Variants in MMS19 observed in about 807,000 individuals in gnomAD.
MMS19 encodes the protein MMS19 cytosolic iron-sulfur assembly component.
Under a neutral mutation model 129.8 loss-of-function variants are expected in MMS19, and 77 were observed. The observed-to-expected ratio is 0.59, with a 90% CI of 0.49 to 0.72. The LOEUF is 0.72. MMS19 is among the 30% of genes least tolerant of loss of function. MMS19 has a pLI of 0.00. For synonymous variants in MMS19, 491 were observed against 502.8 expected (o/e 0.98, Z 0.31); for missense variants, 1,168 against 1,266.3 (o/e 0.92, Z 1.18).
At chr10:97,470,324 G>A in intron 9 of MMS19, 121 bp from the exon 10 acceptor site, 1 of 718,610 alleles carries the variant, frequency 1.4e-6, no homozygotes, top group South Asian at 1.6e-5. Context: ...CTGTACTCAA[G>A]TCAGGAGCTA....
At chr10:97,464,384 A>T (rs1052421185) in intron 18 of MMS19, among the ~76,000 whole-genome samples, 2 of 152,200 alleles carry the variant, frequency 1.3e-5, no homozygotes, top group Non-Finnish European at 2.9e-5. Context: ...CCCAAGTTAT[A>T]ATCCAAGTCT....
rs7904673 is a variant in MMS19 at position 97,486,862 on chromosome 10, C to T, written c.113-2711G>A. 7.8e-3 allele frequency among the ~76,000 whole-genome samples: 660 copies of T among 85,068 alleles called. 19 individuals carry two copies. Among genetic ancestry groups the T allele is most frequent in the African/African-American group, 0.024 (579 of 24,376 alleles). 55.8% of individuals were successfully genotyped at this position (85,068 alleles called of 152,430 possible). ...TAAGCTTATCCTGAAATTAAAGTGCCATATATATATATATATATATATATA... is the reference window on the plus strand; with the variant it reads ...TAAGCTTATCCTGAAATTAAAGTGCTATATATATATATATATATATATATA... On this transcript the variant is annotated intron_variant, in intron 1 of 30. Transcript: ENST00000438925.
At position 97,466,789 on chromosome 10, in the gene MMS19, C is replaced by G; in HGVS notation, c.1410G>C (p.Leu470Phe). ...CTTAAGATGTACCTGGCTGGGCACC[C>G]AAGACTGTCAGTGTACGGATGCCAA... ...QLVGIRTLTV[L>F]GAQPDLLSYE... The change falls in exon 15 of 31, where the codon TTG becomes TTC. Residue 470 changes from leucine (L) to phenylalanine (F), a missense_variant. By Grantham distance (22) the Leu-to-Phe change is conservative (BLOSUM62 0). Transcript: ENST00000438925. The G allele has an allele frequency of 6.2e-7, 1 of 1,614,002 alleles. No individual in the cohort carries two copies.
chr10:97,497,978 G>C (rs1249222762), intron 1 of MMS19, among the ~76,000 whole-genome samples: 1 of 152,204 alleles, frequency 6.6e-6, no homozygotes, highest in Non-Finnish European at 1.5e-5. Flanking sequence ...CTCCTGCCTG[G>C]TCTGCAGCCC....
Position 97,476,976 on chromosome 10 carries a change from G to C in MMS19, c.494-13C>G, listed in dbSNP as rs2035891727. 1.2e-6 allele frequency: 2 copies of C among 1,613,580 alleles called. No homozygotes were observed. The highest frequency in any genetic ancestry group is 1.7e-6 in the Non-Finnish European group (2 of 1,179,730). On this transcript the variant is annotated splice_polypyrimidine_tract_variant and intron_variant, in intron 6 of 30. Coordinates refer to ENST00000438925, the MANE Select transcript of MMS19 (RefSeq NM_022362.5). ...AGGCTCTTTAGCTCTGGGAAGGAGA[G>C]AATAAGGTTACTATACTGTCCCACA...
At chr10:97,475,157 C>T (rs555444678) in intron 8 of MMS19, among the ~76,000 whole-genome samples, 1 of 152,202 alleles carries the variant, frequency 6.6e-6, no homozygotes, top group South Asian at 2.1e-4. Flanking sequence ...TATATACTGA[C>T]GTGGAACACT....
chr10:97,467,581 G>C lies in MMS19; in HGVS notation c.1221C>G (p.Ser407Arg), dbSNP rs745497598. ...LLEQFHKHSQSSQRRTILEML... is the reference protein window; with the variant it reads ...LLEQFHKHSQRSQRRTILEML... ...TTTCAAGGATTGTCCGCCGCTGGCT[G>C]CTCTGTAACGTTTCAAGGGGTACTA... Residue 407 changes from serine to arginine, a missense_variant and splice_region_variant, in exon 14 of 31, where the codon AGC becomes AGG. Physicochemically the swap from Ser to Arg is moderately radical, Grantham distance 110. Transcript: ENST00000438925. 6.2e-7 allele frequency: 1 copy of C among 1,613,666 alleles called. No homozygotes were observed. The highest frequency in any genetic ancestry group is 1.3e-5 in the African/African-American group (1 of 74,910).
chr10:97,470,659 C>A lies in MMS19; in HGVS notation c.771+116G>T, dbSNP rs895387916. 24 of 639,164 alleles carry A rather than the reference C, an allele frequency of 3.8e-5. No homozygotes were observed. The Middle Eastern group carries it at 7.5e-4, about 20-fold the overall frequency. 39.6% of individuals were successfully genotyped at this position (639,164 alleles called of 1,614,324 possible). On this transcript the variant is annotated intron_variant, in intron 9 of 30. Transcript: ENST00000438925. ...AGATACCTGCCACACAAGACACTTG[C>A]AGGGTGTCATGCCCTAAAATGTATA...
Position 97,476,043 on chromosome 10 carries a change from A to C in MMS19, c.684+640T>G, listed in dbSNP as rs29001290. Among the ~76,000 whole-genome samples the C allele has an allele frequency of 4.8e-3, 738 of 152,290 alleles. 10 individuals are homozygous for C. Among genetic ancestry groups the C allele is most frequent in the African/African-American group, 0.017 (714 of 41,560 alleles). ...GGCATGCTGCAATAGAATGCCTTTT[A>C]TTTCTTTCAAACCACTAATGCTTGC... On this transcript the variant is annotated intron_variant, in intron 8 of 30. Coordinates refer to ENST00000438925, the MANE Select transcript of MMS19 (RefSeq NM_022362.5).
At chr10:97,496,844 G>C (rs1009270754) in intron 1 of MMS19, among the ~76,000 whole-genome samples, 1 of 152,186 alleles carries the variant, frequency 6.6e-6, no homozygotes, top group Non-Finnish European at 1.5e-5. Context: ...AGTATTTAAA[G>C]GAAAGTGTAC....
intron 10 of MMS19, among the ~76,000 whole-genome samples, 191 bp downstream of exon 10, chr10:97,469,938 G>A (rs556979268): frequency 6.6e-6 from 1 of 152,242 alleles, no homozygotes; most frequent in South Asian, 2.1e-4. Context: ...CCTTTCCTCA[G>A]TTACTATGGG....
chr10:97,461,672 A>G (rs1275974826), intron 22 of MMS19, 50 bp from the exon 23 acceptor site: 2 of 1,581,488 alleles, frequency 1.3e-6, no homozygotes, highest in Non-Finnish European at 1.7e-6. Flanking sequence ...TTGAACTCCA[A>G]GAGAACCAGT....
chr10:97,493,057 C>G (rs558649653), intron 1 of MMS19, among the ~76,000 whole-genome samples: 1 of 151,992 alleles, frequency 6.6e-6, no homozygotes, highest in African/African-American at 2.4e-5. Flanking sequence ...GTCACCCAGG[C>G]TGGAGTGCAG....
chr10:97,461,322 C>A, intron 23 of MMS19, 174 bp downstream of exon 23: 1 of 734,300 alleles, frequency 1.4e-6, no homozygotes, highest in Non-Finnish European at 2.2e-6. Flanking sequence ...TAAAGCTCTG[C>A]CCAACTGTGG....
intron 23 of MMS19, 166 bp downstream of exon 23, chr10:97,461,330 T>C (rs2031831902): frequency 2.6e-6 from 2 of 766,004 alleles, no homozygotes; most frequent in Admixed American, 5.7e-5. Flanking sequence ...TGCCCAACTG[T>C]GGTCTTGACG....
chr10:97,498,616 G>A, upstream of MMS19: 1 of 527,736 alleles, frequency 1.9e-6, no homozygotes, highest in Non-Finnish European at 3.3e-6. Flanking sequence ...GATTGAGGGC[G>A]AATAATTCCC....
intron 1 of MMS19, among the ~76,000 whole-genome samples, chr10:97,493,429 G>A (rs1451957710): frequency 6.6e-6 from 1 of 152,172 alleles, no homozygotes; most frequent in Non-Finnish European, 1.5e-5. Flanking sequence ...AAATTAGCCA[G>A]GTGTGGTGGC....
At chr10:97,491,755 A>G (rs546242078) in intron 1 of MMS19, among the ~76,000 whole-genome samples, 1 of 152,402 alleles carries the variant, frequency 6.6e-6, no homozygotes, top group African/African-American at 2.4e-5. Context: ...TGGTTCCTTG[A>G]ATCCCAGTAT....
chr10:97,464,013 C>T lies in MMS19; in HGVS notation c.1757G>A (p.Gly586Glu), dbSNP rs1159913405. The change falls in exon 19 of 31, where the codon GGG (glycine) becomes GAG (glutamate). Residue 586 changes from glycine to glutamate, a missense_variant and splice_region_variant. Coordinates refer to ENST00000438925, the MANE Select transcript of MMS19 (RefSeq NM_022362.5). ...LLQHLWQVNRGNMVAQSSDVI... is the reference protein window; with the variant it reads ...LLQHLWQVNRENMVAQSSDVI... ...GTCACTGGATTGTGCAACCATATTCCCTGTTGATGAGAAAGTGTTCTCTGT... is the reference window on the plus strand; with the variant it reads ...GTCACTGGATTGTGCAACCATATTCTCTGTTGATGAGAAAGTGTTCTCTGT... 6.2e-7 allele frequency: 1 copy of T among 1,611,754 alleles called. No homozygotes were observed. The highest frequency in any genetic ancestry group is 8.5e-7 in the Non-Finnish European group (1 of 1,178,910).
Sources: allele counts gnomAD v4.1 joint callset (sites outside exome capture counted in the v4.1 genomes callset), GRCh38; gene constraint gnomAD v4.1.1; transcripts MANE v1.5; gene names NCBI Gene and HGNC (gene_info 2026-07-23, HGNC 2026-07-21).